The following ERC2 variants were observed in gnomAD, a reference collection of about 807,000 sequenced individuals.
ERC2 encodes ELKS/RAB6-interacting/CAST family member 2.
Under a neutral mutation model 114.8 loss-of-function variants are expected in ERC2, and 42 were observed. The observed-to-expected ratio is 0.37, with a 90% CI of 0.29 to 0.47. The LOEUF is 0.47. Among genes scored for constraint, ERC2 ranks in the 20% least tolerant of loss-of-function variants. The probability of loss-of-function intolerance (pLI) is 0.99; values close to 1 mark genes in which losing one functional copy is unlikely to be tolerated. For missense variants in ERC2, 939 were observed against 1,150.7 expected, an observed-to-expected ratio of 0.82 and a Z score of 2.66; for synonymous variants, 454 against 425.5, an observed-to-expected ratio of 1.07 and a Z score of -0.82.
At chr3:55,853,986 C>T (rs778646869) in intron 14 of ERC2, among the ~76,000 whole-genome samples, 4 of 152,098 alleles carry the variant, frequency 2.6e-5, no homozygotes, top group Admixed American at 2.6e-4. Context: ...CCACAAAGCA[C>T]GAAGCAGGCC....
intron 14 of ERC2, among the ~76,000 whole-genome samples, chr3:55,779,327 CAAAAAAAAAAAA>C (rs60185894): frequency 2.2e-4 from 14 of 62,464 alleles, no homozygotes; most frequent in African/African-American, 2.4e-4. Context: ...ACTAAAAATA[CAAAAAAAAAAAA>C]AAAAAAAAAA....
At chr3:55,669,943 C>T (rs779666807) in intron 17 of ERC2, among the ~76,000 whole-genome samples, 3 of 152,156 alleles carry the variant, frequency 2.0e-5, no homozygotes, top group South Asian at 4.1e-4. Context: ...GAGATATTGA[C>T]GTGGCAAGCC....
intron 8 of ERC2, among the ~76,000 whole-genome samples, chr3:56,015,308 C>T (rs1481702268): frequency 6.6e-6 from 1 of 152,116 alleles, no homozygotes; most frequent in African/African-American, 2.4e-5. Context: ...ATCAACCCAT[C>T]ACCTAGGTAT....
intron 2 of ERC2, among the ~76,000 whole-genome samples, chr3:56,343,799 T>A (rs1222050223): frequency 6.6e-6 from 1 of 152,214 alleles, no homozygotes; most frequent in East Asian, 1.9e-4. Context: ...TAAATTACCA[T>A]TCCTTATTGT....
intron 12 of ERC2, among the ~76,000 whole-genome samples, chr3:55,982,541 C>T (rs1018003403): frequency 1.3e-5 from 2 of 152,036 alleles, no homozygotes; most frequent in African/African-American, 4.8e-5. Flanking sequence ...GTTGCTGCTT[C>T]TGCTCCTGTT....
At chr3:56,412,518 C>T (rs1005063894) in intron 2 of ERC2, among the ~76,000 whole-genome samples, 2 of 152,186 alleles carry the variant, frequency 1.3e-5, no homozygotes, top group Non-Finnish European at 1.5e-5. Context: ...TGTGGCAGAG[C>T]CAAGCCAGGC....
intron 3 of ERC2, among the ~76,000 whole-genome samples, chr3:56,239,902 A>T (rs1186113896): frequency 2.6e-5 from 4 of 152,226 alleles, no homozygotes; most frequent in Non-Finnish European, 5.9e-5. Context: ...AAACAAACAT[A>T]GAGCAATGAA....
chr3:56,439,275 T>C (rs1041650328), intron 1 of ERC2, among the ~76,000 whole-genome samples: 1 of 152,142 alleles, frequency 6.6e-6, no homozygotes, highest in Non-Finnish European at 1.5e-5. Flanking sequence ...CAAGACTCTG[T>C]CTCTAAAAAA....
At chr3:55,672,030 A>G (rs530011829) in intron 17 of ERC2, among the ~76,000 whole-genome samples, 4 of 152,202 alleles carry the variant, frequency 2.6e-5, no homozygotes, top group Non-Finnish European at 5.9e-5. Flanking sequence ...TTTGAACACC[A>G]TATGCCTTTA....
chr3:55,666,756 T>C (rs939960528), intron 17 of ERC2, among the ~76,000 whole-genome samples: 1 of 152,074 alleles, frequency 6.6e-6, no homozygotes, highest in Non-Finnish European at 1.5e-5. Context: ...GATTCAATAG[T>C]GCTGAAGCTG....
intron 15 of ERC2, among the ~76,000 whole-genome samples, chr3:55,722,228 A>G (rs561850760): frequency 7.8e-4 from 50 of 63,748 alleles, no homozygotes; most frequent in African/African-American, 5.1e-3. Flanking sequence ...GGGTTGTTGT[A>G]TGCATATTAA....
intron 2 of ERC2, among the ~76,000 whole-genome samples, chr3:56,298,135 A>G (rs1465790322): frequency 2.0e-5 from 3 of 152,180 alleles, no homozygotes; most frequent in African/African-American, 4.8e-5. Flanking sequence ...ATTTTTTAAC[A>G]TTACCTCAGA....
chr3:56,456,187 G>A (rs1051186283), intron 1 of ERC2, among the ~76,000 whole-genome samples: 8 of 152,210 alleles, frequency 5.3e-5, no homozygotes, highest in African/African-American at 1.4e-4. Context: ...ATGGGATCAT[G>A]AAATTCCCAG....
chr3:56,375,926 G>T (rs1399179113), intron 2 of ERC2, among the ~76,000 whole-genome samples: 1 of 152,174 alleles, frequency 6.6e-6, no homozygotes, highest in African/African-American at 2.4e-5. Flanking sequence ...GGCTGAAGTG[G>T]CAAGGAACTA....
intron 17 of ERC2, among the ~76,000 whole-genome samples, chr3:55,655,550 T>C (rs986383829): frequency 3.3e-5 from 5 of 152,206 alleles, no homozygotes; most frequent in Admixed American, 3.3e-4. Context: ...CATTCCCTTA[T>C]GGCATGTGGG....
At chr3:55,870,931 G>C (rs1575947517) in intron 14 of ERC2, among the ~76,000 whole-genome samples, 1 of 152,164 alleles carries the variant, frequency 6.6e-6, no homozygotes, top group Non-Finnish European at 1.5e-5. Context: ...ATTGCAGCCA[G>C]GGCTAGAATG....
rs372508593 is a variant in ERC2 at position 56,260,608 on chromosome 3, T to C, written c.1074+35411A>G. 7.4e-4 allele frequency among the ~76,000 whole-genome samples: 113 copies of C among 152,278 alleles called. 4 individuals are homozygous for C. In the South Asian group the frequency reaches 0.022, roughly 30 times the overall value. On this transcript the variant is annotated intron_variant, in intron 3 of 17. Transcript: ENST00000288221. Reference sequence around the variant, plus strand: ...ATCCTTCCTTCAGTCAAACCGAAGATGGCAGATCCAGGTTTGGCTCTGGCC... The same window carrying C: ...ATCCTTCCTTCAGTCAAACCGAAGACGGCAGATCCAGGTTTGGCTCTGGCC...
intron 2 of ERC2, among the ~76,000 whole-genome samples, chr3:56,338,113 A>G (rs1380956296): frequency 6.6e-6 from 1 of 152,204 alleles, no homozygotes; most frequent in Admixed American, 6.5e-5. Context: ...AATAAAGAAA[A>G]ACAAGGAAGA....
chr3:55,787,993 A>G (rs770631235), intron 14 of ERC2, among the ~76,000 whole-genome samples: 4 of 152,254 alleles, frequency 2.6e-5, no homozygotes, highest in Non-Finnish European at 5.9e-5. Flanking sequence ...TAGCAAATTT[A>G]TCCTCACAAT....
Sources: gnomAD v4.1 joint callset for allele counts (sites outside exome capture counted in the v4.1 genomes callset) on GRCh38, gnomAD v4.1.1 for gene constraint, MANE v1.5 for transcripts, NCBI Gene and HGNC (gene_info 2026-07-23, HGNC 2026-07-21) for gene names.